ANO1: variants seen among roughly 807,000 people sequenced by gnomAD.
ANO1 encodes the protein anoctamin-1.
In ANO1, 59 loss-of-function variants were observed where a neutral mutation model predicts 124.0. The observed-to-expected ratio is 0.48, with a 90% CI of 0.39 to 0.59. ANO1 has a LOEUF of 0.59. Among genes scored for constraint, ANO1 ranks in the 20% least tolerant of loss-of-function variants. The pLI, the probability that ANO1 is intolerant of heterozygous loss-of-function variation, is 0.00. For missense variants in ANO1, 1,059 were observed against 1,328.0 expected, an observed-to-expected ratio of 0.80 and a Z score of 3.15; for synonymous variants, 529 against 532.0, an observed-to-expected ratio of 0.99 and a Z score of 0.08.
rs1277133143 is a variant in ANO1, at chr11:70,116,629, G to C, written c.897+130G>C. 7.5e-6 allele frequency: 6 copies of C among 796,348 alleles called. No homozygotes were observed. In the East Asian group the frequency reaches 1.6e-4, roughly 22 times the overall value. The allele number at this position is 796,348 out of a possible 1,614,324, so 49.3% of individuals were successfully genotyped here. On this transcript the variant is annotated intron_variant, in intron 8 of 25. Coordinates refer to ENST00000355303, the MANE Select transcript of ANO1 (RefSeq NM_018043.7). ...CTCCCCAGGGCGCTCGCTGCAGGGG[G>C]CTGAGAAGCGGGTGTCCCCTCTCAC...
At chr11:70,141,949 G>A (rs2047171005) in intron 11 of ANO1, among the ~76,000 whole-genome samples, 1 of 152,034 alleles carries the variant, frequency 6.6e-6, no homozygotes, top group Non-Finnish European at 1.5e-5. Flanking sequence ...CCGTATTCAC[G>A]GTGGATGAAT....
At chr11:70,140,506 G>A (rs754827889) in intron 11 of ANO1, among the ~76,000 whole-genome samples, 1 of 151,860 alleles carries the variant, frequency 6.6e-6, no homozygotes, top group Non-Finnish European at 1.5e-5. Context: ...ACTCCAGCCT[G>A]GGTGACAAGA....
chr11:70,116,482 G>A lies in ANO1; in HGVS notation c.880G>A (p.Glu294Lys), dbSNP rs778151682. The A allele has an allele frequency of 2.3e-5, 36 of 1,597,922 alleles. No homozygotes were observed. Among genetic ancestry groups the A allele is most frequent in the East Asian group, 6.8e-5 (3 of 44,268 alleles). Reference protein sequence around the residue: ...HDGDYNGENVEFNDRKLLYEE... With the variant: ...HDGDYNGENVKFNDRKLLYEE... ...GGGAGACTACAACGGTGAAAACGTC[G>A]AGTTCAACGACAGAAAAGTAAGTTG... The change falls in exon 8 of 26, where the codon GAG becomes AAG. Residue 294 changes from glutamate to lysine, a missense_variant. This residue lies in a region of ANO1 where 809 missense variants were observed against 1,094.9 expected (regional missense o/e 0.74). Transcript: ENST00000355303.
intron 1 of ANO1, among the ~76,000 whole-genome samples, chr11:70,020,663 A>C (rs144021505): frequency 3.3e-5 from 5 of 152,262 alleles, no homozygotes; most frequent in Admixed American, 3.3e-4. Flanking sequence ...AGCCTAACCC[A>C]ATCCCACAGA....
intron 2 of ANO1, among the ~76,000 whole-genome samples, chr11:70,099,776 T>C (rs749274017): frequency 1.3e-5 from 2 of 152,202 alleles, no homozygotes; most frequent in Non-Finnish European, 2.9e-5. Context: ...AAACAGGCCT[T>C]GTGATACCCA....
At chr11:70,122,810 G>A (rs147045058) in intron 8 of ANO1, among the ~76,000 whole-genome samples, 10 of 151,786 alleles carry the variant, frequency 6.6e-5, no homozygotes, top group East Asian at 1.9e-4. Context: ...ACTCTCTGCC[G>A]CATCTTCCAC....
At chr11:70,163,382 T>G in intron 19 of ANO1, 42 bp downstream of exon 19, 4 of 1,607,678 alleles carry the variant, frequency 2.5e-6, no homozygotes, top group Non-Finnish European at 2.6e-6. Context: ...CCTTCTGTCT[T>G]GCTTACGATT....
chr11:70,180,484 G>C (rs2048889157), intron 23 of ANO1, among the ~76,000 whole-genome samples: 2 of 152,140 alleles, frequency 1.3e-5, no homozygotes, highest in Non-Finnish European at 2.9e-5. Context: ...TGTTGACCAG[G>C]CTGGTCTCAA....
intron 1 of ANO1, among the ~76,000 whole-genome samples, chr11:69,990,987 G>A (rs1388177356): frequency 2.0e-5 from 3 of 152,118 alleles, no homozygotes; most frequent in Admixed American, 6.5e-5. Flanking sequence ...ACTTACCTAC[G>A]TTTTCTTTTG....
At chr11:70,167,809 G>A (rs2048314966) in intron 21 of ANO1, among the ~76,000 whole-genome samples, 1 of 152,138 alleles carries the variant, frequency 6.6e-6, no homozygotes, top group Non-Finnish European at 1.5e-5. Context: ...CGAGGGCCCG[G>A]CCCTGCTAAG....
At chr11:70,185,284 T>C (rs1011644570) in intron 24 of ANO1, among the ~76,000 whole-genome samples, 2 of 152,352 alleles carry the variant, frequency 1.3e-5, no homozygotes, top group Admixed American at 6.5e-5. Flanking sequence ...CTGGACCACA[T>C]GGTCCCCACC....
At chr11:70,089,637 A>T (rs2044540657) in intron 2 of ANO1, among the ~76,000 whole-genome samples, 1 of 152,106 alleles carries the variant, frequency 6.6e-6, no homozygotes, top group South Asian at 2.1e-4. Flanking sequence ...GGAGCCTTAC[A>T]AGTTTTGATG....
At chr11:70,170,642 C>A (rs997365362) in intron 21 of ANO1, among the ~76,000 whole-genome samples, 16 of 152,208 alleles carry the variant, frequency 1.1e-4, no homozygotes, top group Non-Finnish European at 2.2e-4. Flanking sequence ...GAGTCAAACA[C>A]TGAGATTCAG....
the ANO1 span, among the ~76,000 whole-genome samples, chr11:69,980,270 G>A: frequency 6.6e-6 from 1 of 152,138 alleles, no homozygotes; most frequent in South Asian, 2.1e-4. Context: ...GCTGGGGTTA[G>A]GGAAGTGGGG....
intron 2 of ANO1, among the ~76,000 whole-genome samples, chr11:70,092,801 G>T (rs777209310): frequency 6.6e-6 from 1 of 152,204 alleles, no homozygotes; most frequent in Non-Finnish European, 1.5e-5. Flanking sequence ...AGAGCCAAGA[G>T]CCTGTTGAGG....
At chr11:70,174,141 T>C (rs1280764930) in intron 22 of ANO1, among the ~76,000 whole-genome samples, 6 of 151,508 alleles carry the variant, frequency 4.0e-5, no homozygotes, top group Admixed American at 1.3e-4. Context: ...GGTTTCACCA[T>C]GTTAGCCAGG....
At chr11:69,969,839 T>C in the ANO1 span, among the ~76,000 whole-genome samples, 6 of 152,114 alleles carry the variant, frequency 3.9e-5, no homozygotes, top group African/African-American at 1.2e-4. Context: ...CCCAGCTACT[T>C]AGGAGGCTGA....
intron 11 of ANO1, among the ~76,000 whole-genome samples, chr11:70,136,142 G>C (rs1035938307): frequency 3.9e-5 from 6 of 152,226 alleles, no homozygotes; most frequent in African/African-American, 1.4e-4. Flanking sequence ...CTCATGCGTT[G>C]GGCTGGCTAG....
Position 70,166,717 on chromosome 11 carries a change from T to C in ANO1, c.2052-525T>C, listed in dbSNP as rs562697247. On this transcript the variant is annotated intron_variant, in intron 20 of 25. Coordinates refer to ENST00000355303, the MANE Select transcript of ANO1 (RefSeq NM_018043.7). ...TTCACAAGTGGTCGTTTGCCCTCCC[T>C]GCACCTCCGTTTCCTTCTGTAGCCA... Among the ~76,000 whole-genome samples the C allele has an allele frequency of 5.3e-5, 8 of 152,316 alleles. No individual in the cohort carries two copies. In the East Asian group the frequency reaches 1.5e-3, roughly 29 times the overall value.
Sources: gnomAD v4.1 joint callset for allele counts (sites outside exome capture counted in the v4.1 genomes callset) on GRCh38, gnomAD v4.1.1 for gene constraint, gnomAD v4.1.1 regional missense constraint, MANE v1.5 for transcripts, NCBI Gene and HGNC (gene_info 2026-07-23, HGNC 2026-07-21) for gene names.